STK10: variants seen among roughly 807,000 people sequenced by gnomAD.
The protein encoded by STK10 is serine/threonine-protein kinase 10.
Under a neutral mutation model 113.8 loss-of-function variants are expected in STK10, and 78 were observed. That is an observed-to-expected ratio of 0.69 (90% CI 0.57 to 0.83). The LOEUF is 0.83. Ranked by LOEUF, STK10 falls within the 40% of genes least tolerant of loss-of-function variation. The pLI, the probability that STK10 is intolerant of heterozygous loss-of-function variation, is 0.00. For synonymous variants in STK10, 465 were observed against 494.7 expected (o/e 0.94, Z 0.80); for missense variants, 1,109 against 1,280.1 (o/e 0.87, Z 2.04).
intron 1 of STK10, among the ~76,000 whole-genome samples, chr5:172,170,448 G>A (rs3797327): frequency 0.23 from 34,391 of 151,980 alleles, 4,889 homozygotes; most frequent in African/African-American, 0.4. Context: ...TCAACGACAA[G>A]TGAGATGGCC....
intron 18 of STK10, among the ~76,000 whole-genome samples, chr5:172,051,645 GA>G (rs1767630477): frequency 6.6e-6 from 1 of 151,858 alleles, no homozygotes; most frequent in Non-Finnish European, 1.5e-5. Context: ...ATAAAATAAA[GA>G]AATCAACAGA....
At chr5:172,050,278 C>T (rs536560748) in intron 18 of STK10, among the ~76,000 whole-genome samples, 4 of 152,294 alleles carry the variant, frequency 2.6e-5, no homozygotes, top group African/African-American at 7.2e-5. Context: ...CGCCTGCTGC[C>T]GGTCAAAGCA....
chr5:172,056,464 T>C (rs547371067), intron 15 of STK10, among the ~76,000 whole-genome samples: 1 of 152,080 alleles, frequency 6.6e-6, no homozygotes, highest in African/African-American at 2.4e-5. Flanking sequence ...GCAGAGGTGG[T>C]GTTTAAGTGG....
intron 1 of STK10, among the ~76,000 whole-genome samples, chr5:172,174,043 T>G (rs1006482547): frequency 2.0e-5 from 3 of 152,082 alleles, no homozygotes; most frequent in African/African-American, 7.2e-5. Flanking sequence ...ATAACCACAA[T>G]GCGGCCTCCC....
intron 14 of STK10, among the ~76,000 whole-genome samples, chr5:172,060,343 G>A (rs370008195): frequency 1.7e-4 from 26 of 152,142 alleles, no homozygotes; most frequent in African/African-American, 5.8e-4. Flanking sequence ...AGAGGCAGAG[G>A]TCACAATGAG....
intron 12 of STK10, among the ~76,000 whole-genome samples, chr5:172,074,863 A>G (rs992131134): frequency 2.0e-5 from 3 of 152,266 alleles, no homozygotes; most frequent in Admixed American, 1.3e-4. Context: ...TAATAAAAAT[A>G]CAAAAATGAG....
At chr5:172,107,627 TA>T (rs1476042229) in intron 5 of STK10, among the ~76,000 whole-genome samples, 152 bp downstream of exon 5, 1 of 152,184 alleles carries the variant, frequency 6.6e-6, no homozygotes, top group African/African-American at 2.4e-5. Context: ...ACGGGAAAGC[TA>T]AACAGCTTGT....
At chr5:172,073,314 G>C (rs561077659) in intron 12 of STK10, among the ~76,000 whole-genome samples, 25 of 152,130 alleles carry the variant, frequency 1.6e-4, no homozygotes, top group African/African-American at 5.8e-4. Context: ...CACCACATTG[G>C]CTAATTTTTG....
In STK10 at chr5:172,096,535, C is replaced by A. The variant is rs1378302062; in HGVS notation, c.896G>T (p.Ser299Ile). The change falls in exon 8 of 19, where the codon AGT becomes ATT. Residue 299 changes from serine to isoleucine, a missense_variant. Coordinates refer to ENST00000176763, the MANE Select transcript of STK10 (RefSeq NM_005990.4). ...CACCAGCTCCCGCAGAGCCTTGTTA[C>A]TGGTGATGCTGCTGACGAAGGGATG... is the stretch of plus-strand genomic sequence containing the variant. Reference protein sequence around the residue: ...LEHPFVSSITSNKALRELVAE... With the variant: ...LEHPFVSSITINKALRELVAE... The A allele has an allele frequency of 1.9e-6, 3 of 1,613,634 alleles. No individual in the cohort carries two copies. The highest frequency in any genetic ancestry group is 3.3e-5 in the Admixed American group (2 of 60,026).
intron 2 of STK10, among the ~76,000 whole-genome samples, chr5:172,147,548 T>A (rs536098761): frequency 6.6e-6 from 1 of 152,272 alleles, no homozygotes; most frequent in African/African-American, 2.4e-5. Flanking sequence ...CATGTCACCA[T>A]GCCCAGCTAA....
At chr5:172,158,735 C>A (rs1189040866) in intron 1 of STK10, among the ~76,000 whole-genome samples, 1 of 152,190 alleles carries the variant, frequency 6.6e-6, no homozygotes, top group Non-Finnish European at 1.5e-5. Flanking sequence ...AATTCTGACA[C>A]AAACTACATG....
chr5:172,106,377 G>A (rs1178118698), intron 6 of STK10, among the ~76,000 whole-genome samples: 1 of 98,896 alleles, frequency 1.0e-5, no homozygotes, highest in Non-Finnish European at 2.1e-5. Flanking sequence ...ACTCCAGCCT[G>A]GGCAAAAGAG....
At chr5:172,048,206 T>C (rs1767537139) in intron 18 of STK10, among the ~76,000 whole-genome samples, 2 of 152,118 alleles carry the variant, frequency 1.3e-5, no homozygotes, top group Admixed American at 6.6e-5. Flanking sequence ...CTCTGAGTAA[T>C]GCAAATTACC....
intron 18 of STK10, among the ~76,000 whole-genome samples, chr5:172,047,590 A>G (rs1380299649): frequency 5.3e-5 from 8 of 152,192 alleles, no homozygotes; most frequent in African/African-American, 1.9e-4. Flanking sequence ...AGAAAGCTCC[A>G]TGAGCGCAGG....
intron 4 of STK10, among the ~76,000 whole-genome samples, chr5:172,114,312 G>A (rs1769316341): frequency 7.3e-6 from 1 of 137,468 alleles, no homozygotes. Context: ...GTGTGTGTGT[G>A]TGTATGTGTG....
chr5:172,114,289 C>CGTGTGTGTGT lies in STK10; in HGVS notation c.520+3182_520+3191dup, dbSNP rs111441878. Among the ~76,000 whole-genome samples the CGTGTGTGTGT allele has an allele frequency of 5.1e-3, 701 of 138,798 alleles. 3 individuals are homozygous for CGTGTGTGTGT. The highest frequency in any genetic ancestry group is 0.011 in the Middle Eastern group (3 of 280). 91.1% of individuals were successfully genotyped at this position (138,798 alleles called of 152,430 possible). ...TTGTGTACAGGACTCTAGCTACTCT[C>CGTGTGTGTGT]GTGTGTGTGTGTGTGTGTGTGTGTG... On this transcript the variant is annotated intron_variant, in intron 4 of 18. Transcript: ENST00000176763.
chr5:172,112,331 C>T (rs1290215684), intron 4 of STK10, among the ~76,000 whole-genome samples: 2 of 151,930 alleles, frequency 1.3e-5, no homozygotes, highest in East Asian at 1.9e-4. Flanking sequence ...ACACACACAC[C>T]GGTCTGGAAG....
At chr5:172,091,807 C>T (rs1222802498) in intron 9 of STK10, among the ~76,000 whole-genome samples, 1 of 152,194 alleles carries the variant, frequency 6.6e-6, no homozygotes, top group Non-Finnish European at 1.5e-5. Context: ...GCTGGGATTA[C>T]AGGTGTGAGC....
chr5:172,102,159 G>A (rs1190340091), intron 7 of STK10, among the ~76,000 whole-genome samples: 1 of 152,192 alleles, frequency 6.6e-6, no homozygotes, highest in African/African-American at 2.4e-5. Context: ...GGAGGCAGCA[G>A]CCCGAGTGAG....
Sources: gnomAD v4.1 joint callset for allele counts (sites outside exome capture counted in the v4.1 genomes callset) on GRCh38, gnomAD v4.1.1 for gene constraint, MANE v1.5 for transcripts, NCBI Gene and HGNC (gene_info 2026-07-23, HGNC 2026-07-21) for gene names.